The following LARP4 variants were observed in gnomAD, a reference collection of about 807,000 sequenced individuals.
LARP4 encodes La ribonucleoprotein 4.
A neutral mutation model predicts 92.9 loss-of-function variants in LARP4; 29 were observed. The ratio of observed to expected loss-of-function variants is 0.31; its 90% CI spans 0.23 to 0.43. LARP4 has a LOEUF of 0.43. Ranked by LOEUF, LARP4 falls within the 20% of genes least tolerant of loss-of-function variation. LARP4 has a pLI of 1.00. For synonymous variants in LARP4, 279 were observed against 284.1 expected (o/e 0.98, Z 0.18); for missense variants, 732 against 860.0 (o/e 0.85, Z 1.86).
At chr12:50,444,007 CTCT>C (rs1951640800) in intron 8 of LARP4, among the ~76,000 whole-genome samples, 2 of 152,128 alleles carry the variant, frequency 1.3e-5, no homozygotes, top group South Asian at 2.1e-4. Flanking sequence ...ATTGTGTTGG[CTCT>C]TCTTAGATCA....
At chr12:50,415,108 C>T (rs1329508321) in intron 1 of LARP4, among the ~76,000 whole-genome samples, 1 of 152,116 alleles carries the variant, frequency 6.6e-6, no homozygotes, top group Non-Finnish European at 1.5e-5. Context: ...GAGGCTGAGG[C>T]AGGAGAATCG....
chr12:50,434,234 A>C (rs1950090993), intron 4 of LARP4, among the ~76,000 whole-genome samples: 1 of 152,092 alleles, frequency 6.6e-6, no homozygotes, highest in South Asian at 2.1e-4. Context: ...ACTTCCAGCT[A>C]TTTATAGCCA....
intron 8 of LARP4, among the ~76,000 whole-genome samples, chr12:50,450,207 G>A (rs756812169): frequency 4.7e-4 from 72 of 152,144 alleles, no homozygotes; most frequent in Non-Finnish European, 6.5e-4. Context: ...TGGGATTACA[G>A]GCGTGAGCCA....
chr12:50,450,624 G>T (rs1036107233), intron 8 of LARP4, among the ~76,000 whole-genome samples: 2 of 151,790 alleles, frequency 1.3e-5, no homozygotes, highest in African/African-American at 2.4e-5. Flanking sequence ...TCAACCTCCC[G>T]AGTAGCTGGG....
At chr12:50,415,394 A>C (rs1946593983) in intron 1 of LARP4, among the ~76,000 whole-genome samples, 1 of 152,118 alleles carries the variant, frequency 6.6e-6, no homozygotes, top group Non-Finnish European at 1.5e-5. Context: ...TGTACTGCTG[A>C]AGGGAATATA....
At chr12:50,446,772 T>G (rs1952269166) in intron 8 of LARP4, among the ~76,000 whole-genome samples, 1 of 152,014 alleles carries the variant, frequency 6.6e-6, no homozygotes, top group Non-Finnish European at 1.5e-5. Context: ...TGATTTTAGT[T>G]CCTTAGGGGA....
intron 1 of LARP4, among the ~76,000 whole-genome samples, chr12:50,424,095 C>T (rs1016574233): frequency 6.6e-6 from 1 of 152,150 alleles, no homozygotes; most frequent in African/African-American, 2.4e-5. Flanking sequence ...TGGCCCAGTG[C>T]AGTGGCTCAT....
intron 9 of LARP4, 116 bp from the exon 10 acceptor site, chr12:50,454,198 T>G: frequency 1.5e-6 from 1 of 649,206 alleles, no homozygotes; most frequent in Non-Finnish European, 2.6e-6. Flanking sequence ...GTAAAATATT[T>G]TAAGATATTT....
chr12:50,474,230 T>TTC lies in LARP4; in HGVS notation c.1836+63_1836+64insTC. The TTC allele has an allele frequency of 8.6e-6, 10 of 1,167,496 alleles. No individual in the cohort carries two copies. In the East Asian group the frequency reaches 2.4e-4, roughly 28 times the overall value. 72.3% of individuals were successfully genotyped at this position (1,167,496 alleles called of 1,614,324 possible). A position where few individuals can be genotyped will look rare whatever the true frequency, so the allele number is the denominator to read the frequency against. On this transcript the variant is annotated intron_variant, in intron 15 of 15. Transcript: ENST00000398473. ...AATAGATTAGATTTTTTTTTTTTTT[T>TTC]CACGTAACACTTTGTTAGAACAGAG...
rs368134552 is a variant in LARP4 at position 50,402,772 on chromosome 12, A to T, written c.18+1744A>T. The T allele has an allele frequency of 4.7e-3, 2,157 of 455,736 alleles. 12 individuals are homozygous for T. The highest frequency in any genetic ancestry group is 6.5e-3 in the Non-Finnish European group (1,468 of 226,698). 28.2% of individuals were successfully genotyped at this position (455,736 alleles called of 1,614,324 possible). On this transcript the variant is annotated intron_variant, in intron 1 of 15. Transcript: ENST00000398473. ...ATCCAGGTCATGCTGATGTCAAATCATGGACGGGATGTTAGCAATTCAGGC... is the reference window on the plus strand; with the variant it reads ...ATCCAGGTCATGCTGATGTCAAATCTTGGACGGGATGTTAGCAATTCAGGC...
chr12:50,446,003 CTTTTTTTTTTTTT>C (rs71441367), intron 8 of LARP4, among the ~76,000 whole-genome samples: 1 of 126,948 alleles, frequency 7.9e-6, no homozygotes, highest in South Asian at 2.7e-4. Flanking sequence ...TTTCTTTTTT[CTTTTTTTTTTTTT>C]TTTTGAGACG....
At chr12:50,447,831 C>G (rs1210893583) in intron 8 of LARP4, among the ~76,000 whole-genome samples, 1 of 151,998 alleles carries the variant, frequency 6.6e-6, no homozygotes, top group Admixed American at 6.6e-5. Context: ...TTACAGGTGT[C>G]AGGCACTGGG....
chr12:50,410,554 C>T (rs1592760749), intron 1 of LARP4, among the ~76,000 whole-genome samples: 1 of 151,418 alleles, frequency 6.6e-6, no homozygotes, highest in Non-Finnish European at 1.5e-5. Context: ...TACAGGCGCC[C>T]ACCACCACGC....
chr12:50,435,645 GC>G lies in LARP4; in HGVS notation c.535+22del, dbSNP rs528010443. 60 of 1,527,108 alleles carry G rather than the reference GC, an allele frequency of 3.9e-5. No individual in the cohort carries two copies. The Admixed American group carries it at 9.9e-4, about 25-fold the overall frequency. 94.6% of individuals were successfully genotyped at this position (1,527,108 alleles called of 1,614,324 possible). A position where few individuals can be genotyped will look rare whatever the true frequency, so the allele number is the denominator to read the frequency against. ...AAGATGTATGTAAAAATACCTTTTA[GC>G]TTTTTTTTTAATTTTTAAACGTAAA... On this transcript the variant is annotated intron_variant, in intron 5 of 15. Coordinates refer to ENST00000398473, the MANE Select transcript of LARP4 (RefSeq NM_052879.5).
chr12:50,405,191 G>A (rs1592702770), intron 1 of LARP4, among the ~76,000 whole-genome samples: 2 of 151,942 alleles, frequency 1.3e-5, no homozygotes, highest in South Asian at 2.1e-4. Flanking sequence ...GAGCCACCGC[G>A]CCTGGCAGAT....
intron 12 of LARP4, among the ~76,000 whole-genome samples, chr12:50,464,725 T>C (rs986481358): frequency 6.6e-6 from 1 of 151,372 alleles, no homozygotes; most frequent in Admixed American, 6.6e-5. Context: ...AGTTTCGCTC[T>C]TGTTGTCCAC....
At chr12:50,402,808 C>A (rs1944119718) in intron 1 of LARP4, 1 of 455,002 alleles carries the variant, frequency 2.2e-6, no homozygotes, top group Admixed American at 2.4e-5. Context: ...CTGTCCGACT[C>A]CCCAGGTTAG....
chr12:50,468,446 A>G (rs1345879210), intron 13 of LARP4, among the ~76,000 whole-genome samples: 1 of 151,290 alleles, frequency 6.6e-6, no homozygotes, highest in Non-Finnish European at 1.5e-5. Flanking sequence ...GGCGCCTGCC[A>G]CTACGCCCGG....
intron 4 of LARP4, among the ~76,000 whole-genome samples, chr12:50,435,080 C>T (rs1950220537): frequency 6.6e-6 from 1 of 152,066 alleles, no homozygotes; most frequent in Admixed American, 6.6e-5. Flanking sequence ...GAAAATCCTT[C>T]TTGAGTCAGT....
Sources: gnomAD v4.1 joint callset for allele counts (sites outside exome capture counted in the v4.1 genomes callset) on GRCh38, gnomAD v4.1.1 for gene constraint, MANE v1.5 for transcripts, NCBI Gene and HGNC (gene_info 2026-07-23, HGNC 2026-07-21) for gene names.